Variants in C1orf21 observed in about 807,000 individuals in gnomAD.
C1orf21 encodes uncharacterized protein C1orf21.
In C1orf21, 3 loss-of-function variants were observed where a neutral mutation model predicts 18.7. The ratio of observed to expected loss-of-function variants is 0.16; its 90% CI spans 0.07 to 0.42. The LOEUF is 0.42. Among genes scored for constraint, C1orf21 ranks in the 10% least tolerant of loss-of-function variants. C1orf21 has a pLI of 0.99. For missense variants in C1orf21, 104 were observed against 143.6 expected, an observed-to-expected ratio of 0.72 and a Z score of 1.41; for synonymous variants, 41 against 46.4, an observed-to-expected ratio of 0.88 and a Z score of 0.47.
At chr1:184,531,235 G>C (rs1342885284) in intron 3 of C1orf21, among the ~76,000 whole-genome samples, 2 of 152,074 alleles carry the variant, frequency 1.3e-5, no homozygotes, top group Non-Finnish European at 2.9e-5. Context: ...TTAACTTCTG[G>C]AAAATCGACT....
chr1:184,601,401 G>C (rs578002634), intron 5 of C1orf21, among the ~76,000 whole-genome samples: 14 of 152,232 alleles, frequency 9.2e-5, no homozygotes, highest in African/African-American at 2.9e-4. Flanking sequence ...CCTCAAAATA[G>C]ATGTAAAAGC....
chr1:184,601,365 C>CA (rs1399150479), intron 5 of C1orf21, among the ~76,000 whole-genome samples: 1 of 151,956 alleles, frequency 6.6e-6, no homozygotes, highest in Non-Finnish European at 1.5e-5. Flanking sequence ...TATTGGATAC[C>CA]AAAAAACAAA....
chr1:184,589,159 T>A (rs1558009415), intron 3 of C1orf21, among the ~76,000 whole-genome samples: 1 of 152,218 alleles, frequency 6.6e-6, no homozygotes, highest in Non-Finnish European at 1.5e-5. Context: ...TCTTTTAAGC[T>A]CAAAGAGTTG....
rs1471113645 is a variant in C1orf21, at chr1:184,527,250, G to A, written c.189+19568G>A. On this transcript the variant is annotated intron_variant, in intron 3 of 5. Transcript: ENST00000235307. ...TGTGCATTCACCAAGTAATTGTTGG[G>A]TCCTTATCAAGTGTGGCAGCTATGC... is the stretch of plus-strand genomic sequence containing the variant. Among the ~76,000 whole-genome samples, 3 of 152,276 alleles carry A rather than the reference G, an allele frequency of 2.0e-5. No homozygotes were observed. The South Asian group carries it at 6.2e-4, about 32-fold the overall frequency.
intron 1 of C1orf21, among the ~76,000 whole-genome samples, chr1:184,415,557 G>C (rs1656436609): frequency 6.6e-6 from 1 of 152,034 alleles, no homozygotes; most frequent in Non-Finnish European, 1.5e-5. Flanking sequence ...TGTGGGAGGT[G>C]ACCTATTAAT....
At chr1:184,424,355 A>G (rs1656599361) in intron 1 of C1orf21, among the ~76,000 whole-genome samples, 4 of 152,168 alleles carry the variant, frequency 2.6e-5, no homozygotes, top group Admixed American at 2.0e-4. Context: ...TGAGTCACAA[A>G]TAAGTTGTGA....
chr1:184,491,646 C>G (rs1244920938), intron 2 of C1orf21, among the ~76,000 whole-genome samples: 1 of 152,204 alleles, frequency 6.6e-6, no homozygotes, highest in Non-Finnish European at 1.5e-5. Context: ...GCCACTGTGC[C>G]CGGCCCTTTT....
intron 2 of C1orf21, among the ~76,000 whole-genome samples, chr1:184,478,673 C>A (rs1022354456): frequency 6.6e-6 from 1 of 152,150 alleles, no homozygotes; most frequent in Admixed American, 6.5e-5. Flanking sequence ...ATTATGCTTG[C>A]CTGATCTTGA....
intron 2 of C1orf21, among the ~76,000 whole-genome samples, chr1:184,487,822 G>T (rs1657755184): frequency 6.6e-6 from 1 of 152,168 alleles, no homozygotes; most frequent in African/African-American, 2.4e-5. Flanking sequence ...CATCTGTGTA[G>T]TGTGGGGAAT....
At chr1:184,433,171 G>A (rs1656794319) in intron 1 of C1orf21, among the ~76,000 whole-genome samples, 1 of 152,158 alleles carries the variant, frequency 6.6e-6, no homozygotes, top group African/African-American at 2.4e-5. Flanking sequence ...ATGATTGTAG[G>A]GATGTGGTGG....
chr1:184,415,066 A>C (rs1277917455), intron 1 of C1orf21, among the ~76,000 whole-genome samples: 1 of 152,214 alleles, frequency 6.6e-6, no homozygotes, highest in Non-Finnish European at 1.5e-5. Flanking sequence ...CATTTTAAAA[A>C]TGATGAGACA....
intron 5 of C1orf21, among the ~76,000 whole-genome samples, chr1:184,601,805 G>T (rs1235568990): frequency 6.6e-6 from 1 of 152,004 alleles, no homozygotes; most frequent in Non-Finnish European, 1.5e-5. Flanking sequence ...GGAGGCTGAG[G>T]CAGGAAAATC....
chr1:184,409,763 C>T (rs529671514), intron 1 of C1orf21, among the ~76,000 whole-genome samples: 1 of 152,328 alleles, frequency 6.6e-6, no homozygotes, highest in Admixed American at 6.5e-5. Context: ...ATTCCCTTCT[C>T]TGTGAATTAC....
intron 1 of C1orf21, among the ~76,000 whole-genome samples, chr1:184,429,128 C>A (rs1008388524): frequency 2.0e-5 from 3 of 152,172 alleles, no homozygotes; most frequent in Non-Finnish European, 4.4e-5. Context: ...ACTTTGATTA[C>A]TCAGATGAAT....
chr1:184,511,618 T>A (rs1658147540), intron 3 of C1orf21, among the ~76,000 whole-genome samples: 1 of 152,208 alleles, frequency 6.6e-6, no homozygotes, highest in African/African-American at 2.4e-5. Flanking sequence ...TACATTTAGA[T>A]CAAGTTGATG....
chr1:184,454,045 A>G (rs1297977629), intron 1 of C1orf21, among the ~76,000 whole-genome samples: 1 of 152,178 alleles, frequency 6.6e-6, no homozygotes, highest in African/African-American at 2.4e-5. Flanking sequence ...CATCACTGGC[A>G]TCAGATCCAT....
At chr1:184,399,159 T>C (rs60066136) in intron 1 of C1orf21, among the ~76,000 whole-genome samples, 13,963 of 152,100 alleles carry the variant, frequency 0.092, 1,950 homozygotes, top group African/African-American at 0.3. Context: ...TTTCCTTCTC[T>C]GGAAGTTTAT....
At chr1:184,404,142 A>C (rs938020994) in intron 1 of C1orf21, among the ~76,000 whole-genome samples, 5 of 152,338 alleles carry the variant, frequency 3.3e-5, no homozygotes, top group Admixed American at 6.5e-5. Flanking sequence ...AGAGAGGTTA[A>C]GTAGCTTGTC....
chr1:184,543,104 A>T (rs1658680131), intron 3 of C1orf21, among the ~76,000 whole-genome samples: 1 of 152,172 alleles, frequency 6.6e-6, no homozygotes, highest in Non-Finnish European at 1.5e-5. Flanking sequence ...TAATCCTGGC[A>T]CTTTGGGATG....
Sources: allele counts gnomAD v4.1 joint callset (sites outside exome capture counted in the v4.1 genomes callset), GRCh38; gene constraint gnomAD v4.1.1; transcripts MANE v1.5; gene names NCBI Gene and HGNC (gene_info 2026-07-23, HGNC 2026-07-21).